NCOA2: variants seen among roughly 807,000 people sequenced by gnomAD.
The protein encoded by NCOA2 is class E basic helix-loop-helix protein 75.
In NCOA2, 21 loss-of-function variants were observed where a neutral mutation model predicts 145.1. The observed-to-expected ratio is 0.14, with a 90% confidence interval of 0.10 to 0.21. The LOEUF (loss-of-function observed/expected upper bound fraction) is 0.21. Among genes scored for constraint, NCOA2 ranks in the 10% least tolerant of loss-of-function variants. The probability of loss-of-function intolerance (pLI) is 1.00; values close to 1 mark genes in which losing one functional copy is unlikely to be tolerated. For missense variants in NCOA2, 1,472 were observed against 1,837.6 expected (o/e 0.80, Z 3.64); for synonymous variants, 619 against 637.5 (o/e 0.97, Z 0.44).
In NCOA2 at chr8:70,131,879, C is replaced by T; in HGVS notation, c.3282G>A (p.Glu1094=). Residue 1094 remains glutamate, a synonymous_variant, in exon 16 of 23, where the codon GAG becomes GAA. Transcript: ENST00000452400. ...YLALRNFDGL[E]EIDRALGIPE... ...GTATTCCTAAGGCTCTATCAATCTCCTCCAGGCCATCAAAATTCCGCAAGG... is the reference window on the plus strand; with the variant it reads ...GTATTCCTAAGGCTCTATCAATCTCTTCCAGGCCATCAAAATTCCGCAAGG... The T allele has an allele frequency of 1.2e-6, 2 of 1,601,824 alleles. No homozygotes were observed. The highest frequency in any genetic ancestry group is 1.1e-5 in the South Asian group (1 of 88,232).
chr8:70,259,472 A>T (rs1234378894), intron 2 of NCOA2, among the ~76,000 whole-genome samples: 1 of 152,176 alleles, frequency 6.6e-6, no homozygotes, highest in Non-Finnish European at 1.5e-5. Context: ...GTAAACTTAA[A>T]TTTGATGGTA....
intron 1 of NCOA2, among the ~76,000 whole-genome samples, chr8:70,327,111 G>A (rs998166030): frequency 4.6e-5 from 7 of 152,132 alleles, no homozygotes; most frequent in South Asian, 4.1e-4. Flanking sequence ...AAGTTTGCTC[G>A]AGGAGATTAA....
At chr8:70,186,267 A>G (rs527391418) in intron 4 of NCOA2, among the ~76,000 whole-genome samples, 131 of 152,340 alleles carry the variant, frequency 8.6e-4, no homozygotes, top group Non-Finnish European at 1.4e-3. Context: ...AAAACTACAT[A>G]AAGAATAATA....
chr8:70,392,450 A>G (rs536316352), intron 1 of NCOA2, among the ~76,000 whole-genome samples: 143 of 152,346 alleles, frequency 9.4e-4, no homozygotes, highest in African/African-American at 3.1e-3. Flanking sequence ...TATTAAAAGG[A>G]GAAATTTGGG....
At chr8:70,294,194 T>C (rs1288092687) in intron 2 of NCOA2, among the ~76,000 whole-genome samples, 1 of 152,124 alleles carries the variant, frequency 6.6e-6, no homozygotes, top group Non-Finnish European at 1.5e-5. Context: ...AAACTTCATT[T>C]CTTCAATAGT....
chr8:70,258,923 G>A (rs1035374685), intron 2 of NCOA2, among the ~76,000 whole-genome samples: 6 of 152,130 alleles, frequency 3.9e-5, no homozygotes, highest in Non-Finnish European at 8.8e-5. Flanking sequence ...CAGTGACCTG[G>A]CATTCAGGGG....
intron 1 of NCOA2, among the ~76,000 whole-genome samples, chr8:70,323,274 G>A (rs957160908): frequency 1.3e-4 from 20 of 152,150 alleles, no homozygotes; most frequent in African/African-American, 3.9e-4. Flanking sequence ...ACTAAAAGAA[G>A]TTTAAAAGAA....
chr8:70,413,173 G>A, the NCOA2 span, among the ~76,000 whole-genome samples: 2 of 151,596 alleles, frequency 1.3e-5, no homozygotes, highest in Non-Finnish European at 2.9e-5. Flanking sequence ...CATAATCAAT[G>A]AGACTTGGGC....
At chr8:70,170,432 G>C in intron 5 of NCOA2, 53 bp from the exon 6 acceptor site, 1 of 1,399,902 alleles carries the variant, frequency 7.1e-7, no homozygotes, top group Non-Finnish European at 9.6e-7. Flanking sequence ...AACATCACAT[G>C]CAATTGTTAA....
At chr8:70,206,385 T>C (rs1291240978) in intron 4 of NCOA2, among the ~76,000 whole-genome samples, 1 of 152,228 alleles carries the variant, frequency 6.6e-6, no homozygotes, top group Non-Finnish European at 1.5e-5. Context: ...ATTTAAATTA[T>C]AAAAATAAAT....
chr8:70,346,987 T>G (rs1808714807), intron 1 of NCOA2, among the ~76,000 whole-genome samples: 1 of 152,224 alleles, frequency 6.6e-6, no homozygotes, highest in African/African-American at 2.4e-5. Flanking sequence ...TAATGGCAGA[T>G]TCACATTAAA....
chr8:70,297,089 C>G (rs1053744446), intron 1 of NCOA2, among the ~76,000 whole-genome samples: 1 of 152,204 alleles, frequency 6.6e-6, no homozygotes, highest in Admixed American at 6.5e-5. Flanking sequence ...TATACTTTAA[C>G]TGCTTGTCTA....
chr8:70,384,183 A>G (rs1232250971), intron 1 of NCOA2, among the ~76,000 whole-genome samples: 1 of 152,172 alleles, frequency 6.6e-6, no homozygotes, highest in African/African-American at 2.4e-5. Context: ...TAGATGGAGA[A>G]TAACTAAAGA....
intron 2 of NCOA2, among the ~76,000 whole-genome samples, chr8:70,246,857 G>A (rs1050417676): frequency 6.6e-6 from 1 of 150,682 alleles, no homozygotes; most frequent in Admixed American, 6.6e-5. Flanking sequence ...TTTAATACCA[G>A]ATCAAGACAG....
At chr8:70,394,339 G>A (rs1490398796) in intron 1 of NCOA2, among the ~76,000 whole-genome samples, 1 of 152,184 alleles carries the variant, frequency 6.6e-6, no homozygotes, top group African/African-American at 2.4e-5. Flanking sequence ...ATTTTTAACT[G>A]AGATGGGGTT....
chr8:70,328,810 C>T (rs1055109225), intron 1 of NCOA2, among the ~76,000 whole-genome samples: 3 of 151,952 alleles, frequency 2.0e-5, no homozygotes, highest in African/African-American at 4.8e-5. Flanking sequence ...TAGGACAATA[C>T]CAACAAGTAA....
intron 1 of NCOA2, among the ~76,000 whole-genome samples, chr8:70,316,801 A>G (rs940647503): frequency 1.1e-4 from 16 of 152,204 alleles, no homozygotes; most frequent in African/African-American, 3.6e-4. Context: ...AATCAAATCT[A>G]TAACTAAACT....
chr8:70,302,461 A>T (rs1827584505), intron 1 of NCOA2, among the ~76,000 whole-genome samples: 1 of 152,216 alleles, frequency 6.6e-6, no homozygotes, highest in Admixed American at 6.5e-5. Flanking sequence ...ACTCTTAACT[A>T]ATGAAAATGT....
chr8:70,442,258 G>A, the NCOA2 span, among the ~76,000 whole-genome samples: 4 of 152,214 alleles, frequency 2.6e-5, no homozygotes, highest in Middle Eastern at 3.4e-3. Context: ...GTTGGCACGC[G>A]CTGGCCTAGC....
Sources: allele counts gnomAD v4.1 joint callset (sites outside exome capture counted in the v4.1 genomes callset), GRCh38; gene constraint gnomAD v4.1.1; transcripts MANE v1.5; gene names NCBI Gene and HGNC (gene_info 2026-07-23, HGNC 2026-07-21).